Variants in GIPC3 observed in about 807,000 individuals in gnomAD.
The protein encoded by GIPC3 is PDZ domain-containing protein GIPC3.
A neutral mutation model predicts 27.3 loss-of-function variants in GIPC3; 16 were observed. The observed-to-expected ratio is 0.59, with a 90% CI of 0.40 to 0.89. GIPC3 has a LOEUF of 0.89. Ranked by LOEUF, GIPC3 falls within the 40% of genes least tolerant of loss-of-function variation. GIPC3 has a pLI of 0.00. For missense variants in GIPC3, 440 were observed against 442.1 expected (o/e 1.00, Z 0.04); for synonymous variants, 194 against 184.6 (o/e 1.05, Z -0.41).
At position 3,586,847 on chromosome 19, in the gene GIPC3, G is replaced by C. The variant is rs779520578; in HGVS notation, c.445G>C (p.Glu149Gln). ...GGAAGGCAGTATCATCAACCGGATCGAGGCAGTGTGCGTGGGTGACAGCAT... is the reference window on the plus strand; with the variant it reads ...GGAAGGCAGTATCATCAACCGGATCCAGGCAGTGTGCGTGGGTGACAGCAT... The part of the protein sequence containing the change: ...IKEGSIINRI[E>Q]AVCVGDSIEA... The change falls in exon 3 of 6, where the codon GAG becomes CAG. Residue 149 changes from glutamate to glutamine, a missense_variant. Coordinates refer to ENST00000644452, the MANE Select transcript of GIPC3 (RefSeq NM_133261.3). 1.2e-6 allele frequency: 2 copies of C among 1,613,526 alleles called. No individual in the cohort carries two copies. The highest frequency in any genetic ancestry group is 2.2e-5 in the South Asian group (2 of 91,090).
chr19:3,589,740 T>C, intron 4 of GIPC3, 91 bp from the exon 5 acceptor site: 1 of 1,265,626 alleles, frequency 7.9e-7, no homozygotes, highest in Non-Finnish European at 1.1e-6. Flanking sequence ...GGGTCCAGTC[T>C]ACTCTTCCCT....
chr19:3,593,458 G>A lies in GIPC3; in HGVS notation c.*3268G>A, dbSNP rs1027886881. ...GGTCCTGGCTCAGATCCAGGTCCTT[G>A]GAGGGAAAAGGAGGGCAGGAGACGG... On this transcript the variant is annotated 3_prime_UTR_variant, in exon 6 of 6. Coordinates refer to ENST00000644452, the MANE Select transcript of GIPC3 (RefSeq NM_133261.3). 1.0e-5 allele frequency: 5 copies of A among 494,754 alleles called. No individual in the cohort carries two copies. The highest frequency in any genetic ancestry group is 9.9e-5 in the African/African-American group (5 of 50,506). The allele number at this position is 494,754 out of a possible 1,614,324, so 30.6% of individuals were successfully genotyped here. A position where few individuals can be genotyped will look rare whatever the true frequency, so the allele number is the denominator to read the frequency against.
chr19:3,591,244 C>A lies in GIPC3; in HGVS notation c.*1054C>A, dbSNP rs1466147237. ...CCCAGCTCTAGAACCCAGATAAGATCTGAGACCAAGCCCTGCTCTGAAGCC... is the reference window on the plus strand; with the variant it reads ...CCCAGCTCTAGAACCCAGATAAGATATGAGACCAAGCCCTGCTCTGAAGCC... On this transcript the variant is annotated 3_prime_UTR_variant, in exon 6 of 6. Transcript: ENST00000644452. 4.1e-6 allele frequency: 5 copies of A among 1,232,722 alleles called. No individual in the cohort carries two copies. The highest frequency in any genetic ancestry group is 1.6e-5 in the African/African-American group (1 of 64,404). 76.4% of individuals were successfully genotyped at this position (1,232,722 alleles called of 1,614,324 possible).
rs939769127 is a variant in GIPC3, at chr19:3,593,431, C to G, written c.*3241C>G. The G allele has an allele frequency of 5.8e-6, 4 of 690,622 alleles. No homozygotes were observed. The South Asian group carries it at 3.1e-4, about 54-fold the overall frequency. The allele number at this position is 690,622 out of a possible 1,614,324, so 42.8% of individuals were successfully genotyped here. ...TGCGGTGGTGAAAACAGGGGCTTCA[C>G]CGGTCCTGGCTCAGATCCAGGTCCT... is the stretch of plus-strand genomic sequence containing the variant. On this transcript the variant is annotated 3_prime_UTR_variant, in exon 6 of 6. Transcript: ENST00000644452.
chr19:3,587,057 G>A, intron 3 of GIPC3, 63 bp downstream of exon 3: 1 of 1,492,698 alleles, frequency 6.7e-7, no homozygotes, highest in Non-Finnish European at 9.1e-7. Flanking sequence ...CTGGGGTGGA[G>A]GAGGGTCGGG....
chr19:3,586,283 G>C (rs1047324606), intron 1 of GIPC3, among the ~76,000 whole-genome samples: 5 of 152,120 alleles, frequency 3.3e-5, no homozygotes, highest in African/African-American at 1.2e-4. Context: ...AAACCTGGAG[G>C]TCTGGGGGCT....
rs942409703 is a variant in GIPC3 at position 3,591,075 on chromosome 19, G to A, written c.*885G>A. ...GACCAAGCCGTGTTCTAGAATTCAGGCCACATCTGAAGCCAAGCCCAGCTC... is the reference window on the plus strand; with the variant it reads ...GACCAAGCCGTGTTCTAGAATTCAGACCACATCTGAAGCCAAGCCCAGCTC... On this transcript the variant is annotated 3_prime_UTR_variant, in exon 6 of 6. Coordinates refer to ENST00000644452, the MANE Select transcript of GIPC3 (RefSeq NM_133261.3). 3 of 1,222,864 alleles carry A rather than the reference G, an allele frequency of 2.5e-6. No homozygotes were observed. Among genetic ancestry groups the A allele is most frequent in the African/African-American group, 1.6e-5 (1 of 60,996 alleles). The allele number at this position is 1,222,864 out of a possible 1,614,324, so 75.8% of individuals were successfully genotyped here.
In GIPC3 at chr19:3,592,142, C is replaced by T. The variant is rs570473894; in HGVS notation, c.*1952C>T. On this transcript the variant is annotated 3_prime_UTR_variant, in exon 6 of 6. Transcript: ENST00000644452. ...AGGCCATCGCAGCAATAGAATTAAG[C>T]TCCACAGCCCTGTCTAGTTCCGACA... 1 of 1,232,126 alleles carries T rather than the reference C, an allele frequency of 8.1e-7. No individual in the cohort carries two copies. Among genetic ancestry groups the T allele is most frequent in the East Asian group, 3.2e-5 (1 of 31,706 alleles). 76.3% of individuals were successfully genotyped at this position (1,232,126 alleles called of 1,614,324 possible).
chr19:3,589,888 A>C lies in GIPC3; in HGVS notation c.763A>C (p.Met255Leu), dbSNP rs1318750904. Residue 255 changes from methionine to leucine, a missense_variant, in exon 5 of 6, where the codon ATG becomes CTG. Met to Leu is a conservative substitution (Grantham distance 15, BLOSUM62 2). Coordinates refer to ENST00000644452, the MANE Select transcript of GIPC3 (RefSeq NM_133261.3). ...GGTTGATGACCTGCTGGAAAGCTAC[A>C]TGGGCATTCGGGACCCCGAGCTGGG... is the stretch of plus-strand genomic sequence containing the variant. ...RKVDDLLESYMGIRDPELAST... is the reference protein window; with the variant it reads ...RKVDDLLESYLGIRDPELAST... 2.2e-5 allele frequency: 36 copies of C among 1,613,706 alleles called. No individual in the cohort carries two copies. Among genetic ancestry groups the C allele is most frequent in the Non-Finnish European group, 2.9e-5 (34 of 1,180,014 alleles).
At chr19:3,587,708 T>TTTTTTC (rs2032401986) in intron 3 of GIPC3, among the ~76,000 whole-genome samples, 1 of 149,924 alleles carries the variant, frequency 6.7e-6, no homozygotes, top group African/African-American at 2.5e-5. Context: ...TTTTTTTTTT[T>TTTTTTC]GAGACGGAGT....
chr19:3,592,563 A>C lies in GIPC3; in HGVS notation c.*2373A>C. 8.1e-7 allele frequency: 1 copy of C among 1,231,712 alleles called. No individual in the cohort carries two copies. The highest frequency in any genetic ancestry group is 1.0e-6 in the Non-Finnish European group (1 of 987,772). 76.3% of individuals were successfully genotyped at this position (1,231,712 alleles called of 1,614,324 possible). A position where few individuals can be genotyped will look rare whatever the true frequency, so the allele number is the denominator to read the frequency against. On this transcript the variant is annotated 3_prime_UTR_variant, in exon 6 of 6. Transcript: ENST00000644452. Reference sequence around the variant, plus strand: ...CTCCAGAACCCAGTCCAGTCCTGAGACCAGGCTCAGCTCTGAGGCTCAGTC... The same window carrying C: ...CTCCAGAACCCAGTCCAGTCCTGAGCCCAGGCTCAGCTCTGAGGCTCAGTC...
Position 3,586,987 on chromosome 19 carries a change from G to A in GIPC3, c.585G>A (p.Arg195=). The change falls in exon 3 of 6, where the codon AGG becomes AGA. Residue 195 remains arginine (R), a synonymous_variant. Coordinates refer to ENST00000644452, the MANE Select transcript of GIPC3 (RefSeq NM_133261.3). ...PFTLRLVQPK[R]AFDMIGQRSR... ...CCCTGCGCCTGGTGCAGCCCAAGAG[G>A]GCCTTCGGTGAGGCGGGTGGGCTGG... The A allele has an allele frequency of 6.2e-7, 1 of 1,612,304 alleles. No individual in the cohort carries two copies. Among genetic ancestry groups the A allele is most frequent in the Non-Finnish European group, 8.5e-7 (1 of 1,179,706 alleles).
At position 3,590,382 on chromosome 19, in the gene GIPC3, A is replaced by G; in HGVS notation, c.*192A>G. The G allele has an allele frequency of 5.6e-6, 8 of 1,436,746 alleles. No homozygotes were observed. The South Asian group carries it at 8.9e-5, about 16-fold the overall frequency. The allele number at this position is 1,436,746 out of a possible 1,614,324, so 89.0% of individuals were successfully genotyped here. On this transcript the variant is annotated 3_prime_UTR_variant, in exon 6 of 6. Coordinates refer to ENST00000644452, the MANE Select transcript of GIPC3 (RefSeq NM_133261.3). ...CAGATCTGAGGCCAAGCTATGTGCT[A>G]GAGCCCAGGCCAGCTCTGAGACCAA...
chr19:3,590,575 G>C lies in GIPC3; in HGVS notation c.*385G>C. ...AAGCCCAGCTCTAGAACCCAGATGA[G>C]CTCTGAGACCATGCCCAGCTCTAGA... On this transcript the variant is annotated 3_prime_UTR_variant, in exon 6 of 6. Transcript: ENST00000644452. 7.5e-6 allele frequency: 10 copies of C among 1,327,526 alleles called. No homozygotes were observed. Among genetic ancestry groups the C allele is most frequent in the Non-Finnish European group, 9.6e-6 (10 of 1,043,046 alleles). The allele number at this position is 1,327,526 out of a possible 1,614,324, so 82.2% of individuals were successfully genotyped here.
chr19:3,590,418 G>A lies in GIPC3; in HGVS notation c.*228G>A, dbSNP rs963264266. On this transcript the variant is annotated 3_prime_UTR_variant, in exon 6 of 6. Coordinates refer to ENST00000644452, the MANE Select transcript of GIPC3 (RefSeq NM_133261.3). ...CAGCTCTGAGACCAAGCCCAGCATT[G>A]AGAATAAGCTCTGTTCTAAAACTCA... 4.2e-6 allele frequency: 6 copies of A among 1,431,354 alleles called. No homozygotes were observed. The Admixed American group carries it at 8.6e-5, about 21-fold the overall frequency. 88.7% of individuals were successfully genotyped at this position (1,431,354 alleles called of 1,614,324 possible). A position where few individuals can be genotyped will look rare whatever the true frequency, so the allele number is the denominator to read the frequency against.
At position 3,590,115 on chromosome 19, in the gene GIPC3, C is replaced by A. The variant is rs759423626; in HGVS notation, c.864C>A (p.Gly288=). Residue 288 remains glycine (G), a synonymous_variant, in exon 6 of 6, where the codon GGC becomes GGA. Transcript: ENST00000644452. ...EFARCLDSVL[G]EFAFPDEFVV... ...CACGCTGTTTAGACTCCGTCTTGGG[C>A]GAGTTCGCCTTCCCCGACGAGTTTG... 3.1e-6 allele frequency: 5 copies of A among 1,611,036 alleles called. No individual in the cohort carries two copies. The highest frequency in any genetic ancestry group is 1.7e-4 in the Middle Eastern group (1 of 6,036).
At position 3,589,813 on chromosome 19, in the gene GIPC3, C is replaced by T. The variant is rs1382427568; in HGVS notation, c.706-18C>T. The stretch of plus-strand genomic sequence containing the variant: ...TCCAAAGCTTTTCACCCCTGACTTC[C>T]CTCCCGTGTGCCCCCAGCCCAGTGA... On this transcript the variant is annotated intron_variant, in intron 4 of 5. Coordinates refer to ENST00000644452, the MANE Select transcript of GIPC3 (RefSeq NM_133261.3). 17 of 1,612,408 alleles carry T rather than the reference C, an allele frequency of 1.1e-5. No homozygotes were observed. The East Asian group carries it at 3.3e-4, about 32-fold the overall frequency.
chr19:3,592,440 C>T lies in GIPC3; in HGVS notation c.*2250C>T. 2.4e-6 allele frequency: 3 copies of T among 1,231,896 alleles called. No homozygotes were observed. The highest frequency in any genetic ancestry group is 2.0e-6 in the Non-Finnish European group (2 of 987,952). 76.3% of individuals were successfully genotyped at this position (1,231,896 alleles called of 1,614,324 possible). ...GGGAACCCAGCTGATTTCCGGAGCCCAACCCAGCTCCAGAACTCAGACTAG... is the reference window on the plus strand; with the variant it reads ...GGGAACCCAGCTGATTTCCGGAGCCTAACCCAGCTCCAGAACTCAGACTAG... On this transcript the variant is annotated 3_prime_UTR_variant, in exon 6 of 6. Transcript: ENST00000644452.
At position 3,585,562 on chromosome 19, in the gene GIPC3, G is replaced by A; in HGVS notation, c.-36G>A. On this transcript the variant is annotated 5_prime_UTR_variant, in exon 1 of 6. Coordinates refer to ENST00000644452, the MANE Select transcript of GIPC3 (RefSeq NM_133261.3). ...GGAAGCGGCGGATCCGGCGGCGGCG[G>A]CGAGGGCCCGGGTGGGTGGCCGAAC... 5 of 1,143,108 alleles carry A rather than the reference G, an allele frequency of 4.4e-6. No individual in the cohort carries two copies. The highest frequency in any genetic ancestry group is 5.4e-6 in the Non-Finnish European group (5 of 931,350). 70.8% of individuals were successfully genotyped at this position (1,143,108 alleles called of 1,614,324 possible). A position where few individuals can be genotyped will look rare whatever the true frequency, so the allele number is the denominator to read the frequency against.
Sources: allele counts gnomAD v4.1 joint callset (sites outside exome capture counted in the v4.1 genomes callset), GRCh38; gene constraint gnomAD v4.1.1; transcripts MANE v1.5; gene names NCBI Gene and HGNC (gene_info 2026-07-23, HGNC 2026-07-21).